Variants in COL6A6 observed in about 807,000 individuals in gnomAD.
COL6A6 encodes collagen alpha-6(VI) chain.
Under a neutral mutation model 208.6 loss-of-function variants are expected in COL6A6, and 183 were observed. That is an observed-to-expected ratio of 0.88 (90% CI 0.78 to 0.99). The LOEUF is 0.99. COL6A6 is among the 50% of genes least tolerant of loss of function. The probability of loss-of-function intolerance (pLI) is 0.00; values close to 1 mark genes in which losing one functional copy is unlikely to be tolerated. For missense variants in COL6A6, 2,816 were observed against 2,815.2 expected (o/e 1.00, Z -0.01); for synonymous variants, 973 against 1,011.8 (o/e 0.96, Z 0.73).
chr3:130,608,763 CTTTTTTTTTTT>C lies in COL6A6; in HGVS notation c.4690-122_4690-112del, dbSNP rs752049202. Reference sequence around the variant, plus strand: ...CTTTGTATTTGCATTTATTTTTCACCTTTTTTTTTTTTTTTTTTTTTTTTTTTGCAAAGATC... The same window carrying C: ...CTTTGTATTTGCATTTATTTTTCACCTTTTTTTTTTTTTTTTGCAAAGATC... On this transcript the variant is annotated intron_variant, in intron 21 of 36. Coordinates refer to ENST00000358511, the MANE Select transcript of COL6A6 (RefSeq NM_001102608.3). 1.1e-4 allele frequency: 34 copies of C among 310,152 alleles called. 2 individuals are homozygous for C. The highest frequency in any genetic ancestry group is 4.5e-4 in the African/African-American group (8 of 17,588). The allele number at this position is 310,152 out of a possible 1,614,324, so 19.2% of individuals were successfully genotyped here.
At chr3:130,673,736 CTGTT>C (rs1236969654) in intron 36 of COL6A6, among the ~76,000 whole-genome samples, 4 of 152,246 alleles carry the variant, frequency 2.6e-5, no homozygotes, top group Admixed American at 6.5e-5. Context: ...GGCAAGAAGA[CTGTT>C]TGACCCCAGG....
At position 130,574,345 on chromosome 3, in the gene COL6A6, G is replaced by A; in HGVS notation, c.3367G>A (p.Glu1123Lys). Reference sequence around the variant, plus strand: ...CCAAGACGAGGTGGCCCAGGCCGCGGAAGCCCTGAGACACAGAGGTATCGA... The same window carrying A: ...CCAAGACGAGGTGGCCCAGGCCGCGAAAGCCCTGAGACACAGAGGTATCGA... Reference protein sequence around the residue: ...QSQDEVAQAAEALRHRGIDIY... With the variant: ...QSQDEVAQAAKALRHRGIDIY... Residue 1123 changes from glutamate (E) to lysine (K), a missense_variant, in exon 8 of 37, where the codon GAA (glutamate) becomes AAA (lysine). Physicochemically the swap from Glu to Lys is moderately conservative, Grantham distance 56 (BLOSUM62 1). Coordinates refer to ENST00000358511, the MANE Select transcript of COL6A6 (RefSeq NM_001102608.3). 1 of 1,614,046 alleles carries A rather than the reference G, an allele frequency of 6.2e-7. No individual in the cohort carries two copies. Among genetic ancestry groups the A allele is most frequent in the Non-Finnish European group, 8.5e-7 (1 of 1,179,904 alleles).
In COL6A6 at chr3:130,565,441, C is replaced by T. The variant is rs750004927; in HGVS notation, c.1109C>T (p.Ala370Val). 5.0e-6 allele frequency: 8 copies of T among 1,613,762 alleles called. No homozygotes were observed. The South Asian group carries it at 7.7e-5, about 16-fold the overall frequency. Residue 370 changes from alanine to valine, a missense_variant, in exon 4 of 37, where the codon GCC becomes GTC. Transcript: ENST00000358511. ...VTIFTLGIEG[A>V]SDTQLEKIAS... ...ATCTTCACCCTGGGCATAGAGGGCG[C>T]CAGCGACACCCAGTTGGAAAAGATA...
chr3:130,658,811 T>G, intron 34 of COL6A6, 39 bp downstream of exon 34: 3 of 1,444,436 alleles, frequency 2.1e-6, no homozygotes, highest in Non-Finnish European at 2.9e-6. Flanking sequence ...GTCAGGCCTA[T>G]TAAGCATGAT....
In COL6A6 at chr3:130,649,120, A is replaced by C; in HGVS notation, c.5291A>C (p.His1764Pro). Residue 1764 changes from histidine (H) to proline (P), a missense_variant, in exon 33 of 37, where the codon CAC (histidine) becomes CCC (proline). By Grantham distance (77) the His-to-Pro change is moderately conservative. Coordinates refer to ENST00000358511, the MANE Select transcript of COL6A6 (RefSeq NM_001102608.3). ...ACCGAGTTGGTGTTTGCCCTGGACC[A>C]CTCCCGGGATGTCACTGAGCAGGAA... ...HPTELVFALD[H>P]SRDVTEQEFE... is the part of the protein sequence containing the mutation. 6.3e-7 allele frequency: 1 copy of C among 1,578,638 alleles called. No individual in the cohort carries two copies. The highest frequency in any genetic ancestry group is 8.6e-7 in the Non-Finnish European group (1 of 1,161,854).
intron 8 of COL6A6, among the ~76,000 whole-genome samples, chr3:130,576,412 A>G (rs948366065): frequency 2.0e-5 from 3 of 152,166 alleles, no homozygotes; most frequent in African/African-American, 7.2e-5. Flanking sequence ...AGAGTTCTGT[A>G]GTTGATTTGG....
chr3:130,586,953 C>T (rs1478264650), intron 11 of COL6A6, among the ~76,000 whole-genome samples: 1 of 152,128 alleles, frequency 6.6e-6, no homozygotes, highest in Admixed American at 6.5e-5. Flanking sequence ...AGCCAAAGAA[C>T]ATAAGTGACA....
chr3:130,642,943 G>C, intron 30 of COL6A6, 44 bp from the exon 31 acceptor site: 5 of 1,613,282 alleles, frequency 3.1e-6, no homozygotes, highest in Non-Finnish European at 4.2e-6. Flanking sequence ...TCAGGGCCTA[G>C]CAGTTTGTTG....
At chr3:130,533,107 C>G (rs1030863753) in intron 1 of COL6A6, among the ~76,000 whole-genome samples, 90 of 152,142 alleles carry the variant, frequency 5.9e-4, no homozygotes, top group Admixed American at 9.8e-4. Context: ...TTAAAGCTAA[C>G]CTAGATTTAG....
At chr3:130,542,106 A>G (rs2062378238) in intron 1 of COL6A6, among the ~76,000 whole-genome samples, 1 of 146,526 alleles carries the variant, frequency 6.8e-6, no homozygotes, top group African/African-American at 2.5e-5. Flanking sequence ...TTTCTTTTTC[A>G]GGGAACCATC....
chr3:130,634,218 T>TA (rs1559769514), intron 26 of COL6A6, among the ~76,000 whole-genome samples: 2 of 66,290 alleles, frequency 3.0e-5, no homozygotes, highest in East Asian at 4.3e-4. Flanking sequence ...AAAAAATAAA[T>TA]AAATAAATAA....
At chr3:130,655,776 T>C (rs1284314941) in intron 33 of COL6A6, among the ~76,000 whole-genome samples, 1 of 152,234 alleles carries the variant, frequency 6.6e-6, no homozygotes, top group Non-Finnish European at 1.5e-5. Context: ...GCTGGAAACC[T>C]CTGTGGCCAG....
chr3:130,627,975 T>C (rs1559767218), intron 26 of COL6A6, among the ~76,000 whole-genome samples: 1 of 152,218 alleles, frequency 6.6e-6, no homozygotes, highest in Non-Finnish European at 1.5e-5. Flanking sequence ...AAGGATATCA[T>C]GTCTGCAAAA....
rs551879175 is a variant in COL6A6 at position 130,604,409 on chromosome 3, G to C, written c.4654-2522G>C. On this transcript the variant is annotated intron_variant, in intron 20 of 36. Transcript: ENST00000358511. Reference sequence around the variant, plus strand: ...ACTCGGGAGGCTGAGGCAGGAGAATGGCGTGAACCCGGGAAGCGGAGCTTG... The same window carrying C: ...ACTCGGGAGGCTGAGGCAGGAGAATCGCGTGAACCCGGGAAGCGGAGCTTG... Among the ~76,000 whole-genome samples, 4 of 152,106 alleles carry C rather than the reference G, an allele frequency of 2.6e-5. No homozygotes were observed. In the East Asian group the frequency reaches 7.7e-4, roughly 29 times the overall value.
chr3:130,611,375 A>T (rs6806341), intron 23 of COL6A6, among the ~76,000 whole-genome samples: 5,233 of 152,334 alleles, frequency 0.034, 339 homozygotes, highest in African/African-American at 0.12. Flanking sequence ...CTGCTGATCC[A>T]GACCACATTT....
At chr3:130,653,413 A>G (rs1245042752) in intron 33 of COL6A6, among the ~76,000 whole-genome samples, 3 of 152,170 alleles carry the variant, frequency 2.0e-5, no homozygotes, top group African/African-American at 7.2e-5. Context: ...TTTATTTTGA[A>G]GATAATTTTT....
Position 130,649,523 on chromosome 3 carries a change from C to T in COL6A6, c.5694C>T (p.Ile1898=). Residue 1898 remains isoleucine (I), a synonymous_variant, in exon 33 of 37, where the codon ATC becomes ATT. Coordinates refer to ENST00000358511, the MANE Select transcript of COL6A6 (RefSeq NM_001102608.3). The part of the protein sequence containing the change: ...FGALEIIPVV[I]TFSNVPSVRR... ...CGCTTGAAATCATTCCCGTGGTGATCACTTTCAGCAACGTGCCCTCGGTCA... is the reference window on the plus strand; with the variant it reads ...CGCTTGAAATCATTCCCGTGGTGATTACTTTCAGCAACGTGCCCTCGGTCA... 2 of 1,600,962 alleles carry T rather than the reference C, an allele frequency of 1.2e-6. No homozygotes were observed. Among genetic ancestry groups the T allele is most frequent in the Non-Finnish European group, 1.7e-6 (2 of 1,173,074 alleles).
At chr3:130,628,530 G>A (rs1465854943) in intron 26 of COL6A6, among the ~76,000 whole-genome samples, 1 of 152,106 alleles carries the variant, frequency 6.6e-6, no homozygotes, top group Non-Finnish European at 1.5e-5. Flanking sequence ...TTTTATACAT[G>A]TTTGAGGATT....
chr3:130,562,984 A>G, intron 2 of COL6A6, 84 bp from the exon 3 acceptor site: 2 of 968,034 alleles, frequency 2.1e-6, no homozygotes, highest in East Asian at 2.4e-5. Flanking sequence ...AAAGGAAAGT[A>G]CTTCCCCGCC....
Sources: gnomAD v4.1 joint callset for allele counts (sites outside exome capture counted in the v4.1 genomes callset) on GRCh38, gnomAD v4.1.1 for gene constraint, MANE v1.5 for transcripts, NCBI Gene and HGNC (gene_info 2026-07-23, HGNC 2026-07-21) for gene names.